UHRF1: variants seen among roughly 807,000 people sequenced by gnomAD.
UHRF1 encodes the protein ubiquitin like with PHD and ring finger domains 1.
UHRF1 carries 9 observed loss-of-function variants against 96.5 expected under a neutral mutation model. The observed-to-expected ratio is 0.09, with a 90% CI of 0.06 to 0.16. The LOEUF is 0.16. Among genes scored for constraint, UHRF1 ranks in the 10% least tolerant of loss-of-function variants. The pLI, the probability that UHRF1 is intolerant of heterozygous loss-of-function variation, is 1.00. For missense variants in UHRF1, 626 were observed against 1,131.1 expected, an observed-to-expected ratio of 0.55 and a Z score of 6.40; for synonymous variants, 455 against 469.9, an observed-to-expected ratio of 0.97 and a Z score of 0.41.
chr19:4,942,637 CG>C (rs1444836150), intron 7 of UHRF1, among the ~76,000 whole-genome samples: 2 of 151,852 alleles, frequency 1.3e-5, no homozygotes, highest in African/African-American at 4.8e-5. Flanking sequence ...TTAGTAGAGA[CG>C]GGGTTTCACC....
rs1289957402 is a variant in UHRF1, at chr19:4,954,371, G to T, written c.1840G>T (p.Ala614Ser). Residue 614 changes from alanine (A) to serine (S), a missense_variant, in exon 14 of 17, where the codon GCC becomes TCC. Around this residue, in one of 11 missense-constraint regions of UHRF1, gnomAD observed 61 missense variants for 199.2 expected, o/e 0.31. Transcript: ENST00000650932. This position sits in a 1 kb window ranked among gnomAD's most constrained non-coding sequence, Gnocchi z 5.9. ...TMQYPEGYLE[A>S]LANREREKEN... ...GAAGTATCCAGAAGGCTACCTGGAA[G>T]CCCTGGCCAACCGAGAGCGAGAGAA... 20 of 1,612,998 alleles carry T rather than the reference G, an allele frequency of 1.2e-5. No homozygotes were observed. The highest frequency in any genetic ancestry group is 1.7e-5 in the Non-Finnish European group (20 of 1,179,760).
Position 4,929,417 on chromosome 19 carries a change from A to T in UHRF1, c.349A>T (p.Thr117Ser), listed in dbSNP as rs1355565893. The part of the protein sequence containing the change: ...SSTHGEAAAE[T>S]DSRPADEDMW... Reference sequence around the variant, plus strand: ...CACCCACGGTGAGGCGGCCGCCGAGACTGACAGCAGGCCAGCCGATGAGGA... The same window carrying T: ...CACCCACGGTGAGGCGGCCGCCGAGTCTGACAGCAGGCCAGCCGATGAGGA... Residue 117 changes from threonine to serine, a missense_variant, in exon 3 of 17, where the codon ACT (threonine) becomes TCT (serine). Coordinates refer to ENST00000650932, the MANE Select transcript of UHRF1 (RefSeq NM_001048201.3). The T allele has an allele frequency of 6.2e-7, 1 of 1,613,696 alleles. No homozygotes were observed. Among genetic ancestry groups the T allele is most frequent in the Non-Finnish European group, 8.5e-7 (1 of 1,179,864 alleles).
chr19:4,936,442 C>T (rs548789752), intron 5 of UHRF1, among the ~76,000 whole-genome samples: 61 of 152,020 alleles, frequency 4.0e-4, no homozygotes, highest in Non-Finnish European at 7.6e-4. Flanking sequence ...CAGAGATGGC[C>T]GAGTGGACTC....
intron 2 of UHRF1, among the ~76,000 whole-genome samples, chr19:4,927,803 A>G (rs963297373): frequency 1.3e-5 from 2 of 152,090 alleles, no homozygotes; most frequent in Admixed American, 6.6e-5. Flanking sequence ...CCCATCCCAG[A>G]GTGGTCAGCC....
chr19:4,905,157 C>T (rs1419775866), upstream of UHRF1, among the ~76,000 whole-genome samples: 9 of 145,212 alleles, frequency 6.2e-5, no homozygotes, highest in Non-Finnish European at 1.2e-4. Flanking sequence ...TGCTCAGTCG[C>T]CCAGGCTGGA....
At chr19:4,944,477 G>C (rs2033504562) in intron 9 of UHRF1, 27 bp downstream of exon 9, 10 of 1,611,788 alleles carry the variant, frequency 6.2e-6, no homozygotes, top group South Asian at 1.1e-5. Flanking sequence ...GGGGCTCCAG[G>C]GGCCACGCGG....
intron 2 of UHRF1, among the ~76,000 whole-genome samples, chr19:4,926,381 G>A (rs932212199): frequency 2.6e-5 from 4 of 152,210 alleles, no homozygotes; most frequent in Admixed American, 2.0e-4. Context: ...CCCAGGCAGC[G>A]CCTAGCATGT....
At chr19:4,924,484 A>G (rs1220282222) in intron 2 of UHRF1, among the ~76,000 whole-genome samples, 4 of 152,010 alleles carry the variant, frequency 2.6e-5, no homozygotes, top group Admixed American at 2.6e-4. Context: ...GGGTTTGGCA[A>G]TGTTGCCCAG....
chr19:4,949,987 C>T (rs2033673469), intron 11 of UHRF1, among the ~76,000 whole-genome samples: 1 of 151,688 alleles, frequency 6.6e-6, no homozygotes, highest in Admixed American at 6.6e-5. Flanking sequence ...CCTCCCACCT[C>T]AGCCTCCAGA....
At chr19:4,950,050 T>TG (rs2033675163) in intron 11 of UHRF1, among the ~76,000 whole-genome samples, 2 of 150,902 alleles carry the variant, frequency 1.3e-5, no homozygotes, top group East Asian at 2.0e-4. Flanking sequence ...TTTTTTTTTT[T>TG]TGTGGAGATG....
At chr19:4,938,930 A>G (rs996120334) in intron 5 of UHRF1, among the ~76,000 whole-genome samples, 1 of 135,292 alleles carries the variant, frequency 7.4e-6, no homozygotes, top group African/African-American at 2.8e-5. Context: ...TTGTTTTTTG[A>G]TGAGACAAAG....
At chr19:4,910,087 G>C (rs1051198711) in intron 1 of UHRF1, 2 of 154,296 alleles carry the variant, frequency 1.3e-5, no homozygotes, top group Non-Finnish European at 2.9e-5. Context: ...TCAAGTGAAG[G>C]GGGGCGGGAC....
At chr19:4,953,386 T>C (rs1296299568) in intron 13 of UHRF1, among the ~76,000 whole-genome samples, 1 of 152,180 alleles carries the variant, frequency 6.6e-6, no homozygotes, top group Non-Finnish European at 1.5e-5. Context: ...CAGTATGAGA[T>C]TCACAACCTC....
chr19:4,943,495 G>T (rs1568425343), intron 7 of UHRF1, among the ~76,000 whole-genome samples: 1 of 133,208 alleles, frequency 7.5e-6, no homozygotes, highest in East Asian at 2.3e-4. Flanking sequence ...TTGTTGCCCT[G>T]CCCCCCCTCC....
At chr19:4,924,983 C>T (rs1188893952) in intron 2 of UHRF1, among the ~76,000 whole-genome samples, 6 of 151,902 alleles carry the variant, frequency 3.9e-5, no homozygotes, top group African/African-American at 4.8e-5. Flanking sequence ...CGTGCCACCA[C>T]GCCTGGCTAA....
chr19:4,935,792 G>C (rs1360571754), intron 5 of UHRF1, among the ~76,000 whole-genome samples: 1 of 152,074 alleles, frequency 6.6e-6, no homozygotes, highest in Non-Finnish European at 1.5e-5. Flanking sequence ...TACTTTTATG[G>C]GGAGAAACGC....
At chr19:4,939,791 G>A (rs571852149) in intron 5 of UHRF1, among the ~76,000 whole-genome samples, 2 of 152,292 alleles carry the variant, frequency 1.3e-5, no homozygotes, top group African/African-American at 4.8e-5. Context: ...TTGGGGGGCC[G>A]AGGTGGGCGG....
At chr19:4,934,402 G>A (rs144280439) in intron 5 of UHRF1, among the ~76,000 whole-genome samples, 1 of 152,240 alleles carries the variant, frequency 6.6e-6, no homozygotes, top group African/African-American at 2.4e-5. Flanking sequence ...ACGTTGTTAC[G>A]CAACCATCTC....
At chr19:4,955,386 GTC>G (rs2033831543) in intron 15 of UHRF1, among the ~76,000 whole-genome samples, 1 of 152,000 alleles carries the variant, frequency 6.6e-6, no homozygotes, top group South Asian at 2.1e-4. Flanking sequence ...TCTTCTTCCA[GTC>G]TCTGAGTCTC....
Sources: gnomAD v4.1 joint callset for allele counts (sites outside exome capture counted in the v4.1 genomes callset) on GRCh38, gnomAD v4.1.1 for gene constraint, gnomAD v4.1.1 regional missense constraint, Gnocchi (gnomAD v3.1) non-coding constraint, MANE v1.5 for transcripts, NCBI Gene and HGNC (gene_info 2026-07-23, HGNC 2026-07-21) for gene names.